The following TRPM2 variants were observed in gnomAD, a reference collection of about 807,000 sequenced individuals.
The protein encoded by TRPM2 is estrogen-responsive element-associated gene 1 protein.
In TRPM2, 161 loss-of-function variants were observed where a neutral mutation model predicts 174.0. That is an observed-to-expected ratio of 0.93 (90% CI 0.81 to 1.05). TRPM2 has a LOEUF of 1.05. TRPM2 is among the 50% of genes least tolerant of loss of function. The probability of loss-of-function intolerance (pLI) is 0.00; values close to 1 mark genes in which losing one functional copy is unlikely to be tolerated. For synonymous variants in TRPM2, 954 were observed against 861.3 expected, an observed-to-expected ratio of 1.11 and a Z score of -1.88; for missense variants, 2,057 against 2,038.0, an observed-to-expected ratio of 1.01 and a Z score of -0.18.
chr21:44,365,035 C>G (rs1366788895), intron 3 of TRPM2, among the ~76,000 whole-genome samples: 17 of 147,208 alleles, frequency 1.2e-4, no homozygotes, highest in African/African-American at 1.8e-4. Context: ...TTCTGAGACT[C>G]GCGTGTTGAC....
chr21:44,405,596 C>T (rs2049841378), intron 17 of TRPM2, among the ~76,000 whole-genome samples: 1 of 152,166 alleles, frequency 6.6e-6, no homozygotes, highest in Non-Finnish European at 1.5e-5. Context: ...ACTGCACTGC[C>T]TGTGATGCTC....
intron 27 of TRPM2, among the ~76,000 whole-genome samples, chr21:44,427,497 C>T (rs1601241480): frequency 1.3e-5 from 2 of 152,200 alleles, no homozygotes; most frequent in Non-Finnish European, 2.9e-5. Flanking sequence ...GGTGGCCTCG[C>T]CTGGCATCCT....
At chr21:44,377,651 C>A in intron 6 of TRPM2, 61 bp from the exon 7 acceptor site, 1 of 1,605,342 alleles carries the variant, frequency 6.2e-7, no homozygotes, top group Non-Finnish European at 8.5e-7. Context: ...CAGGTGTGGC[C>A]CTCACTCGGC....
chr21:44,404,285 T>C (rs2049773250), intron 16 of TRPM2, among the ~76,000 whole-genome samples: 1 of 150,224 alleles, frequency 6.7e-6, no homozygotes, highest in South Asian at 2.1e-4. Context: ...TGTATGTGCA[T>C]ACACATATAC....
rs556184246 is a variant in TRPM2 at position 44,438,057 on chromosome 21, C to T, written c.4167+890C>T. 1.3e-5 allele frequency among the ~76,000 whole-genome samples: 2 copies of T among 152,374 alleles called. No homozygotes were observed. Among genetic ancestry groups the T allele is most frequent in the Admixed American group, 6.5e-5 (1 of 15,310 alleles). ...TGCTGTGGGAGTGTGTGTGCCACCA[C>T]GGTGTGCAGGGCAGCAGTGCCACAA... On this transcript the variant is annotated intron_variant, in intron 29 of 31. Transcript: ENST00000397928. This position sits in a 1 kb window ranked among gnomAD's most constrained non-coding sequence, Gnocchi z 5.9.
upstream of TRPM2, among the ~76,000 whole-genome samples, chr21:44,353,088 C>T (rs1436084959): frequency 2.6e-5 from 4 of 152,292 alleles, 1 homozygote; most frequent in East Asian, 1.9e-4. Flanking sequence ...CCAGGGAGAC[C>T]GAGGTTGCAG....
In TRPM2 at chr21:44,438,997, C is replaced by T. The variant is rs879386073; in HGVS notation, c.4168-70C>T. On this transcript the variant is annotated intron_variant, in intron 29 of 31. Coordinates refer to ENST00000397928, the MANE Select transcript of TRPM2 (RefSeq NM_003307.4). This position sits in a 1 kb window ranked among gnomAD's most constrained non-coding sequence, Gnocchi z 5.9. The stretch of plus-strand genomic sequence containing the variant: ...ACGCCGGGCAGGAGGCCAGTGGAGA[C>T]GGGTGCCAGGGCAGCCTGAGGTCCC... The T allele has an allele frequency of 4.9e-5, 66 of 1,341,036 alleles. No individual in the cohort carries two copies. Among genetic ancestry groups the T allele is most frequent in the African/African-American group, 1.0e-4 (7 of 69,320 alleles). 83.1% of individuals were successfully genotyped at this position (1,341,036 alleles called of 1,614,324 possible).
intron 9 of TRPM2, among the ~76,000 whole-genome samples, chr21:44,383,572 A>T (rs1030988502): frequency 6.6e-6 from 1 of 152,180 alleles, no homozygotes; most frequent in Admixed American, 6.5e-5. Flanking sequence ...TGTGCATAAA[A>T]CCTCACACAA....
At chr21:44,398,165 G>A (rs2049492242) in intron 13 of TRPM2, among the ~76,000 whole-genome samples, 1 of 151,294 alleles carries the variant, frequency 6.6e-6, no homozygotes, top group African/African-American at 2.4e-5. Context: ...GGAAGCTGGA[G>A]TTTCATCACC....
At chr21:44,409,872 T>G (rs1317752936) in intron 19 of TRPM2, among the ~76,000 whole-genome samples, 1 of 139,226 alleles carries the variant, frequency 7.2e-6, no homozygotes, top group Admixed American at 7.6e-5. Flanking sequence ...TGTCTTGGCG[T>G]AGACTTGTAG....
chr21:44,354,829 G>T lies in TRPM2; in HGVS notation c.254+93G>T. 9.0e-7 allele frequency: 1 copy of T among 1,112,604 alleles called. No individual in the cohort carries two copies. 68.9% of individuals were successfully genotyped at this position (1,112,604 alleles called of 1,614,324 possible). On this transcript the variant is annotated intron_variant, in intron 2 of 31. Coordinates refer to ENST00000397928, the MANE Select transcript of TRPM2 (RefSeq NM_003307.4). This position sits in a 1 kb window ranked among gnomAD's most constrained non-coding sequence, Gnocchi z 4.3. ...CAGGCCAAGACCCCTCAGGGCCTCA[G>T]TGAAGGGTCACTGGAGATACCTCTG...
intron 20 of TRPM2, among the ~76,000 whole-genome samples, chr21:44,417,247 CTCTG>C (rs1185025960): frequency 7.1e-6 from 1 of 141,650 alleles, no homozygotes; most frequent in Admixed American, 7.0e-5. Flanking sequence ...TGGCTCTGCT[CTCTG>C]TGGCATCACA....
At chr21:44,441,587 G>T in intron 31 of TRPM2, 105 bp from the exon 32 acceptor site, 1 of 1,399,220 alleles carries the variant, frequency 7.1e-7, no homozygotes, top group East Asian at 2.6e-5. Flanking sequence ...GAGGAGTAAA[G>T]GGAGGGTGTG....
At chr21:44,413,750 C>T in intron 19 of TRPM2, 141 bp from the exon 20 acceptor site, 5 of 983,390 alleles carry the variant, frequency 5.1e-6, no homozygotes, top group Non-Finnish European at 7.6e-6. Context: ...CCAGAGGTGA[C>T]AGCTGAGGTC....
At chr21:44,423,781 G>A in intron 23 of TRPM2, 49 bp downstream of exon 23, 6 of 1,481,290 alleles carry the variant, frequency 4.1e-6, no homozygotes, top group African/African-American at 2.8e-5. Context: ...TGCTGGGCCT[G>A]GTGGGCGGCT....
chr21:44,404,082 TACAC>T (rs1601165771), intron 16 of TRPM2, among the ~76,000 whole-genome samples: 1 of 151,732 alleles, frequency 6.6e-6, no homozygotes. Context: ...AACAAACATG[TACAC>T]ACATACACAC....
chr21:44,386,827 T>C (rs1037856528), intron 9 of TRPM2, among the ~76,000 whole-genome samples: 2 of 151,956 alleles, frequency 1.3e-5, no homozygotes, highest in Non-Finnish European at 2.9e-5. Context: ...GCTGGAAGAC[T>C]CACACTTTCT....
At chr21:44,383,236 C>T (rs1384315184) in intron 9 of TRPM2, among the ~76,000 whole-genome samples, 1 of 152,164 alleles carries the variant, frequency 6.6e-6, no homozygotes, top group Non-Finnish European at 1.5e-5. Context: ...GCTGTAGTGG[C>T]TCTCTGTGTA....
chr21:44,415,963 G>A (rs561129204), intron 20 of TRPM2: 1 of 152,274 alleles, frequency 6.6e-6, no homozygotes, highest in Admixed American at 6.5e-5. Flanking sequence ...CAGGGAACCA[G>A]GAGGCCACGC....
Sources: allele counts gnomAD v4.1 joint callset (sites outside exome capture counted in the v4.1 genomes callset), GRCh38; gene constraint gnomAD v4.1.1; non-coding constraint Gnocchi (gnomAD v3.1); transcripts MANE v1.5; gene names NCBI Gene and HGNC (gene_info 2026-07-23, HGNC 2026-07-21).